Variants in DOCK10 observed in about 807,000 individuals in gnomAD.
DOCK10 encodes dedicator of cytokinesis 10, also known as dedicator of cytokinesis protein 10.
Under a neutral mutation model 280.1 loss-of-function variants are expected in DOCK10, and 145 were observed. The ratio of observed to expected loss-of-function variants is 0.52; its 90% CI spans 0.45 to 0.59. The LOEUF is 0.59. Ranked by LOEUF, DOCK10 falls within the 20% of genes least tolerant of loss-of-function variation. The probability of loss-of-function intolerance (pLI) is 0.00; values close to 1 mark genes in which losing one functional copy is unlikely to be tolerated. For missense variants in DOCK10, 2,368 were observed against 2,651.7 expected (o/e 0.89, Z 2.35); for synonymous variants, 915 against 942.2 (o/e 0.97, Z 0.53).
chr2:225,037,433 C>CA (rs1449975259), intron 1 of DOCK10, among the ~76,000 whole-genome samples: 1 of 152,142 alleles, frequency 6.6e-6, no homozygotes, highest in Admixed American at 6.5e-5. Flanking sequence ...TTGGATAGAT[C>CA]AAAAGGCAAC....
At chr2:225,035,944 C>T (rs1690248794) in intron 1 of DOCK10, among the ~76,000 whole-genome samples, 1 of 151,850 alleles carries the variant, frequency 6.6e-6, no homozygotes, top group Non-Finnish European at 1.5e-5. Context: ...CCGAATCTAC[C>T]CCTAATTACC....
intron 3 of DOCK10, among the ~76,000 whole-genome samples, chr2:224,913,092 A>G (rs1411525893): frequency 6.6e-6 from 1 of 152,046 alleles, no homozygotes. Flanking sequence ...ATAATTTTTT[A>G]TTTGTTTTAT....
At chr2:224,787,520 G>T (rs1691817906) in intron 48 of DOCK10, 123 bp from the exon 49 acceptor site, 4 of 1,215,742 alleles carry the variant, frequency 3.3e-6, no homozygotes, top group Non-Finnish European at 4.7e-6. Flanking sequence ...TTAAAACCCA[G>T]CAGGGGATCG....
At chr2:224,917,112 T>G (rs1223318691) in intron 2 of DOCK10, among the ~76,000 whole-genome samples, 17 of 136,514 alleles carry the variant, frequency 1.2e-4, no homozygotes, top group African/African-American at 4.2e-4. Flanking sequence ...TTTTTTTTTT[T>G]TTTTTTTTTT....
intron 40 of DOCK10, among the ~76,000 whole-genome samples, chr2:224,800,637 G>A (rs1225923327): frequency 1.3e-5 from 2 of 152,214 alleles, no homozygotes; most frequent in African/African-American, 2.4e-5. Flanking sequence ...AAGTCACAAA[G>A]TGTCTTTATC....
intron 31 of DOCK10, among the ~76,000 whole-genome samples, chr2:224,809,944 T>C (rs1693647160): frequency 7.1e-6 from 1 of 140,898 alleles, no homozygotes; most frequent in East Asian, 2.0e-4. Context: ...TATAGATGAA[T>C]GGATTAAAAA....
chr2:224,781,800 T>C (rs868057750), intron 50 of DOCK10, among the ~76,000 whole-genome samples: 5 of 152,194 alleles, frequency 3.3e-5, no homozygotes, highest in Non-Finnish European at 5.9e-5. Context: ...GGCAATACAT[T>C]ATGGTAAAAA....
intron 23 of DOCK10, among the ~76,000 whole-genome samples, chr2:224,840,704 G>C (rs1163840796): frequency 6.6e-6 from 1 of 152,022 alleles, no homozygotes; most frequent in Non-Finnish European, 1.5e-5. Flanking sequence ...ACAATATGAA[G>C]GTTCCTCAAA....
chr2:224,864,610 C>A lies in DOCK10; in HGVS notation c.1545G>T (p.Leu515Phe), dbSNP rs772442937. The A allele has an allele frequency of 1.2e-6, 2 of 1,613,470 alleles. No homozygotes were observed. Among genetic ancestry groups the A allele is most frequent in the Non-Finnish European group, 1.7e-6 (2 of 1,179,796 alleles). The stretch of plus-strand genomic sequence containing the variant: ...CGGCACCACTTGCAATGTTTCCCAT[C>A]AAGACTTTTTCGATTTTGGCCACCA... ...IVLVAKIEKV[L>F]MGNIASGAEP... The change falls in exon 13 of 56, where the codon TTG (leucine) becomes TTT (phenylalanine). Residue 515 changes from leucine to phenylalanine, a missense_variant. Around this residue, in one of 2 missense-constraint regions of DOCK10, gnomAD observed 1,209 missense variants for 1,250.9 expected, o/e 0.97. Coordinates refer to ENST00000258390, the MANE Select transcript of DOCK10 (RefSeq NM_014689.3).
intron 1 of DOCK10, among the ~76,000 whole-genome samples, chr2:224,992,366 C>G (rs1706151703): frequency 6.6e-6 from 1 of 152,174 alleles, no homozygotes; most frequent in South Asian, 2.1e-4. Context: ...TTACAATGTT[C>G]TTTCCAAATC....
intron 11 of DOCK10, among the ~76,000 whole-genome samples, chr2:224,865,840 C>T (rs953727699): frequency 1.4e-5 from 2 of 144,882 alleles, no homozygotes; most frequent in African/African-American, 2.8e-5. Context: ...CTGTTTCTCT[C>T]TCTCTCTCTC....
At chr2:224,775,314 T>C (rs1306430659) in intron 51 of DOCK10, among the ~76,000 whole-genome samples, 199 bp from the exon 52 acceptor site, 1 of 152,134 alleles carries the variant, frequency 6.6e-6, no homozygotes, top group African/African-American at 2.4e-5. Context: ...GCCAGGTCTG[T>C]AGGGGTGGAA....
intron 7 of DOCK10, among the ~76,000 whole-genome samples, chr2:224,879,673 AC>A (rs1698862153): frequency 6.6e-6 from 1 of 152,080 alleles, no homozygotes; most frequent in Middle Eastern, 3.4e-3. Flanking sequence ...CAGGAAAGTT[AC>A]TTGAACCCAG....
At chr2:224,803,994 AGAAATATGTG>A (rs745580777) in intron 39 of DOCK10, 108 bp downstream of exon 39, 105 of 586,072 alleles carry the variant, frequency 1.8e-4, no homozygotes, top group Middle Eastern at 1.1e-3. Context: ...ATATATAAAT[AGAAATATGTG>A]TGTGTGTGTG....
chr2:225,039,352 TGATCTTC>T (rs1223666965), intron 1 of DOCK10, among the ~76,000 whole-genome samples: 4 of 152,230 alleles, frequency 2.6e-5, no homozygotes, highest in African/African-American at 9.6e-5. Context: ...TCCTTTGAAT[TGATCTTC>T]GAATGAGTTG....
chr2:224,899,395 TG>T (rs568522793), intron 3 of DOCK10, among the ~76,000 whole-genome samples: 469 of 152,314 alleles, frequency 3.1e-3, no homozygotes, highest in African/African-American at 0.011. Context: ...GGAGTTGCTC[TG>T]GGTAGTGTGA....
intron 27 of DOCK10, among the ~76,000 whole-genome samples, chr2:224,829,209 G>A (rs894645436): frequency 2.0e-4 from 30 of 152,342 alleles, no homozygotes; most frequent in African/African-American, 7.0e-4. Context: ...CCCTGATAGA[G>A]TGGGGACTTA....
intron 39 of DOCK10, among the ~76,000 whole-genome samples, chr2:224,802,973 AG>A (rs965375241): frequency 6.6e-6 from 1 of 152,142 alleles, no homozygotes; most frequent in Admixed American, 6.6e-5. Context: ...TTCAATAGCC[AG>A]GGGAGCCTGG....
intron 1 of DOCK10, among the ~76,000 whole-genome samples, chr2:224,975,593 T>C (rs1471973561): frequency 6.6e-6 from 1 of 152,214 alleles, no homozygotes; most frequent in Non-Finnish European, 1.5e-5. Context: ...GTTAGAATAT[T>C]TACTATAGGG....
Sources: allele counts gnomAD v4.1 joint callset (sites outside exome capture counted in the v4.1 genomes callset), GRCh38; gene constraint gnomAD v4.1.1; regional missense constraint gnomAD v4.1.1; transcripts MANE v1.5; gene names NCBI Gene and HGNC (gene_info 2026-07-23, HGNC 2026-07-21).